RADIL: variants seen among roughly 807,000 people sequenced by gnomAD.
RADIL encodes the protein ras-associating and dilute domain-containing protein.
A neutral mutation model predicts 97.6 loss-of-function variants in RADIL; 99 were observed. The ratio of observed to expected loss-of-function variants is 1.01; its 90% CI spans 0.86 to 1.20. The LOEUF is 1.20. Ranked by LOEUF, RADIL falls within the 50% of genes most tolerant of loss-of-function variation. RADIL has a pLI of 0.00. For missense variants in RADIL, 1,765 were observed against 1,498.9 expected (o/e 1.18, Z -2.93); for synonymous variants, 803 against 691.8 (o/e 1.16, Z -2.52).
rs1362321467 is a variant in RADIL, at chr7:4,836,375, C to A, written c.766G>T (p.Gly256Cys). Reference sequence around the variant, plus strand: ...AGGCTCACGTGCTGCTGGCTGTAGCCCTGCAGAAGGAGCAGATGCGGGGAC... The same window carrying A: ...AGGCTCACGTGCTGCTGGCTGTAGCACTGCAGAAGGAGCAGATGCGGGGAC... ...YQSPHLLLLQ[G>C]YSQQHDSLVY... The change falls in exon 3 of 15, where the codon GGC becomes TGC. Residue 256 changes from glycine to cysteine, a missense_variant. Physicochemically the swap from Gly to Cys is radical, Grantham distance 159. Coordinates refer to ENST00000399583, the MANE Select transcript of RADIL (RefSeq NM_018059.5). 1.9e-6 allele frequency: 3 copies of A among 1,573,970 alleles called. No individual in the cohort carries two copies. Among genetic ancestry groups the A allele is most frequent in the Admixed American group, 1.9e-5 (1 of 53,660 alleles).
In RADIL at chr7:4,834,574, C is replaced by A; in HGVS notation, c.1416+33G>T. 7.6e-7 allele frequency: 1 copy of A among 1,312,086 alleles called. No individual in the cohort carries two copies. Among genetic ancestry groups the A allele is most frequent in the Non-Finnish European group, 9.7e-7 (1 of 1,025,844 alleles). The allele number at this position is 1,312,086 out of a possible 1,614,324, so 81.3% of individuals were successfully genotyped here. A position where few individuals can be genotyped will look rare whatever the true frequency, so the allele number is the denominator to read the frequency against. On this transcript the variant is annotated intron_variant, in intron 4 of 14. Transcript: ENST00000399583. The surrounding 1 kb of genome is among the most constrained non-coding windows in gnomAD (Gnocchi z 6.0). ...GGCCCCCTCTTCCCCCAGACCGGCACAGGACCCAGACCGCCCACCCCAGCA... is the reference window on the plus strand; with the variant it reads ...GGCCCCCTCTTCCCCCAGACCGGCAAAGGACCCAGACCGCCCACCCCAGCA...
chr7:4,853,714 C>T (rs1032794438), intron 2 of RADIL, among the ~76,000 whole-genome samples: 1 of 140,616 alleles, frequency 7.1e-6, no homozygotes, highest in Non-Finnish European at 1.5e-5. Context: ...TGCACTCCAG[C>T]CTGGGCAACA....
intron 2 of RADIL, chr7:4,857,680 T>C (rs1413381948): frequency 2.0e-5 from 3 of 152,672 alleles, no homozygotes; most frequent in African/African-American, 2.4e-5. Context: ...TAAGTACATC[T>C]GAATTCATAT....
Position 4,877,933 on chromosome 7 carries a change from C to G in RADIL, c.207G>C (p.Gly69=). The change falls in exon 2 of 15, where the codon GGG becomes GGC. Residue 69 remains glycine (G), a synonymous_variant. Coordinates refer to ENST00000399583, the MANE Select transcript of RADIL (RefSeq NM_018059.5). ...AGTGGGTTCCTGTGCAGACACTGTCCCCAAACACCTTCAGGACACCAGGGG... is the reference window on the plus strand; with the variant it reads ...AGTGGGTTCCTGTGCAGACACTGTCGCCAAACACCTTCAGGACACCAGGGG... ...LSAPGVLKVF[G]DSVCTGTHYK... is the part of the protein sequence containing the mutation. 6.2e-7 allele frequency: 1 copy of G among 1,608,754 alleles called. No individual in the cohort carries two copies. The highest frequency in any genetic ancestry group is 8.5e-7 in the Non-Finnish European group (1 of 1,179,992).
In RADIL at chr7:4,801,830, C is replaced by A; in HGVS notation, c.2665G>T (p.Gly889Cys). The change falls in exon 12 of 15, where the codon GGC (glycine) becomes TGC (cysteine). Residue 889 changes from glycine (G) to cysteine (C), a missense_variant. Transcript: ENST00000399583. ...APPGRQPSRG[G>C]SQAGPPHTDS... is the part of the protein sequence containing the mutation. ...GTGTGCGGGGGGCCAGCCTGGGAGC[C>A]CCCACGGCTGGGTTGCCTTCCAGGG... is the stretch of plus-strand genomic sequence containing the variant. 6.2e-7 allele frequency: 1 copy of A among 1,605,198 alleles called. No homozygotes were observed. Among genetic ancestry groups the A allele is most frequent in the East Asian group, 2.2e-5 (1 of 44,538 alleles).
chr7:4,804,659 C>T (rs945509497), intron 10 of RADIL, among the ~76,000 whole-genome samples: 1 of 152,104 alleles, frequency 6.6e-6, no homozygotes, highest in East Asian at 1.9e-4. Flanking sequence ...TGGTGGCACA[C>T]ACCTGTAATC....
Position 4,801,892 on chromosome 7 carries a change from G to T in RADIL, c.2603C>A (p.Thr868Asn), listed in dbSNP as rs1782099108. The T allele has an allele frequency of 6.3e-7, 1 of 1,583,102 alleles. No individual in the cohort carries two copies. Among genetic ancestry groups the T allele is most frequent in the African/African-American group, 1.3e-5 (1 of 74,168 alleles). Residue 868 changes from threonine to asparagine, a missense_variant, in exon 12 of 15, where the codon ACT becomes AAT. Transcript: ENST00000399583. ...PAAREVAPER[T>N]LPLRGAPWAQ... Reference sequence around the variant, plus strand: ...CCAGGGAGCCCCCCTCAAGGGAAGAGTACGCTCCGGGGCCACTTCCCGGGC... The same window carrying T: ...CCAGGGAGCCCCCCTCAAGGGAAGATTACGCTCCGGGGCCACTTCCCGGGC...
intron 2 of RADIL, among the ~76,000 whole-genome samples, chr7:4,866,203 T>C (rs1168253137): frequency 2.0e-5 from 3 of 152,180 alleles, no homozygotes; most frequent in Non-Finnish European, 4.4e-5. Flanking sequence ...TGGAGTGCAG[T>C]AGTGTGATCA....
At chr7:4,823,329 AC>A (rs1263616728) in intron 5 of RADIL, among the ~76,000 whole-genome samples, 11 of 138,580 alleles carry the variant, frequency 7.9e-5, no homozygotes, top group Admixed American at 2.9e-4. Flanking sequence ...ATTATTAAAA[AC>A]CTTTTTTTTT....
rs759141481 is a variant in RADIL, at chr7:4,801,951, G to C, written c.2544C>G (p.Ser848Arg). The C allele has an allele frequency of 8.3e-6, 13 of 1,558,992 alleles. No individual in the cohort carries two copies. The highest frequency in any genetic ancestry group is 6.2e-5 in the Admixed American group (3 of 48,604). The change falls in exon 12 of 15, where the codon AGC becomes AGG. Residue 848 changes from serine (S) to arginine (R), a missense_variant. Ser to Arg is a moderately radical substitution (Grantham distance 110). Transcript: ENST00000399583. ...VVLDGHLEAP[S>R]CPLAPRDPGP... is the part of the protein sequence containing the mutation. ...CAGGGTCCCTGGGAGCCAGGGGGCA[G>C]CTCGGGGCCTCCAGGTGCCCGTCAA...
rs58900044 is a variant in RADIL, at chr7:4,881,101, T to TAAAA, written c.-65+2491_-65+2494dup. Among the ~76,000 whole-genome samples the TAAAA allele has an allele frequency of 1.0e-3, 57 of 55,220 alleles. 2 individuals are homozygous for TAAAA. Among genetic ancestry groups the TAAAA allele is most frequent in the African/African-American group, 3.4e-3 (56 of 16,384 alleles). 36.2% of individuals were successfully genotyped at this position (55,220 alleles called of 152,430 possible). On this transcript the variant is annotated intron_variant, in intron 1 of 14. Transcript: ENST00000399583. ...GGCAATGGAGTGAGACCCTCTCTGT[T>TAAAA]AAAAAAAAAAAAAAAAAAAAAAAAA... is the stretch of plus-strand genomic sequence containing the variant.
At chr7:4,830,033 C>T (rs1339809628) in intron 5 of RADIL, among the ~76,000 whole-genome samples, 1 of 152,348 alleles carries the variant, frequency 6.6e-6, no homozygotes, top group Non-Finnish European at 1.5e-5. Context: ...CCCCCTCCCT[C>T]ACTGCCTAGC....
At position 4,877,637 on chromosome 7, in the gene RADIL, A is replaced by G; in HGVS notation, c.503T>C (p.Leu168Pro). The G allele has an allele frequency of 6.2e-7, 1 of 1,609,318 alleles. No homozygotes were observed. Among genetic ancestry groups the G allele is most frequent in the Non-Finnish European group, 8.5e-7 (1 of 1,177,850 alleles). The change falls in exon 2 of 15, where the codon CTG (leucine) becomes CCG (proline). Residue 168 changes from leucine to proline, a missense_variant. Coordinates refer to ENST00000399583, the MANE Select transcript of RADIL (RefSeq NM_018059.5). Reference sequence around the variant, plus strand: ...GATGGTGTCCACCTCCTTGGCTGCCAGCTCCTCCACGTCCGACCTCTTCCT... The same window carrying G: ...GATGGTGTCCACCTCCTTGGCTGCCGGCTCCTCCACGTCCGACCTCTTCCT... ...ELRKRSDVEE[L>P]AAKEVDTITA...
At chr7:4,860,149 A>G in intron 2 of RADIL, 1 of 1,614,004 alleles carries the variant, frequency 6.2e-7, no homozygotes, top group Non-Finnish European at 8.5e-7. Context: ...GACTGTTTCT[A>G]CCCTGAGAAC....
rs1002255167 is a variant in RADIL at position 4,799,696 on chromosome 7, C to T, written c.3056G>A (p.Arg1019His). The change falls in exon 14 of 15, where the codon CGC (arginine) becomes CAC (histidine). Residue 1019 changes from arginine (R) to histidine (H), a missense_variant. By Grantham distance (29) the Arg-to-His change is conservative. Transcript: ENST00000399583. ...LPGSPAAADGRLSLGDRILEV... is the reference protein window; with the variant it reads ...LPGSPAAADGHLSLGDRILEV... Reference sequence around the variant, plus strand: ...CAGGATACGGTCCCCCAGCGACAGGCGCCCGTCGGCCGCTGCGGGGCTGCC... The same window carrying T: ...CAGGATACGGTCCCCCAGCGACAGGTGCCCGTCGGCCGCTGCGGGGCTGCC... 25 of 1,579,310 alleles carry T rather than the reference C, an allele frequency of 1.6e-5. No homozygotes were observed. The highest frequency in any genetic ancestry group is 4.6e-5 in the East Asian group (2 of 43,296).
At chr7:4,862,548 T>C (rs1443161352) in intron 2 of RADIL, among the ~76,000 whole-genome samples, 3 of 152,214 alleles carry the variant, frequency 2.0e-5, no homozygotes, top group East Asian at 3.9e-4. Flanking sequence ...TATAAAAGTG[T>C]CTGTCCCTAG....
rs1255036883 is a variant in RADIL, at chr7:4,829,295, A to C, written c.1454+2846T>G. 2.6e-5 allele frequency among the ~76,000 whole-genome samples: 4 copies of C among 152,274 alleles called. 1 individual carries two copies. In the South Asian group the frequency reaches 8.3e-4, roughly 32 times the overall value. ...GAGCCTGGGTCCCTCACACAGTCCC[A>C]GATCTCAGAGGCCAGGACCCACCCC... is the stretch of plus-strand genomic sequence containing the variant. On this transcript the variant is annotated intron_variant, in intron 5 of 14. Coordinates refer to ENST00000399583, the MANE Select transcript of RADIL (RefSeq NM_018059.5).
At chr7:4,807,967 T>TTC (rs1782388889) in intron 9 of RADIL, among the ~76,000 whole-genome samples, 1 of 37,216 alleles carries the variant, frequency 2.7e-5, no homozygotes, top group African/African-American at 2.4e-4. Flanking sequence ...GTCTCTCTCC[T>TTC]CTCCCTCCTC....
chr7:4,843,322 T>C (rs930281037), intron 2 of RADIL, among the ~76,000 whole-genome samples: 2 of 151,982 alleles, frequency 1.3e-5, no homozygotes, highest in Non-Finnish European at 2.9e-5. Context: ...CAAGAGATGA[T>C]TTTAAAGTGG....
Sources: gnomAD v4.1 joint callset for allele counts (sites outside exome capture counted in the v4.1 genomes callset) on GRCh38, gnomAD v4.1.1 for gene constraint, Gnocchi (gnomAD v3.1) non-coding constraint, MANE v1.5 for transcripts, NCBI Gene and HGNC (gene_info 2026-07-23, HGNC 2026-07-21) for gene names.